Variants in PELP1 observed in about 807,000 individuals in gnomAD.
The protein encoded by PELP1 is proline-, glutamic acid- and leucine-rich protein 1.
In PELP1, 32 loss-of-function variants were observed where a neutral mutation model predicts 95.5. That is an observed-to-expected ratio of 0.34 (90% CI 0.25 to 0.45). PELP1 has a LOEUF of 0.45. PELP1 is among the 20% of genes least tolerant of loss of function. The pLI is 1.00. For missense variants in PELP1, 1,358 were observed against 1,444.8 expected, an observed-to-expected ratio of 0.94 and a Z score of 0.97; for synonymous variants, 668 against 600.1, an observed-to-expected ratio of 1.11 and a Z score of -1.65.
rs1446410469 is a variant in PELP1 at position 4,703,929 on chromosome 17, G to A, written c.183C>T (p.Arg61=). 1 of 1,613,590 alleles carries A rather than the reference G, an allele frequency of 6.2e-7. No individual in the cohort carries two copies. Among genetic ancestry groups the A allele is most frequent in the Non-Finnish European group, 8.5e-7 (1 of 1,179,734 alleles). Residue 61 remains arginine (R), a synonymous_variant, in exon 1 of 17, where the codon CGC becomes CGT. Coordinates refer to ENST00000572293, the MANE Select transcript of PELP1 (RefSeq NM_014389.3). ...TGAGCCCGGGCAAATGTGGGGCCGA[G>A]CGGTTTGGGGGATGCACCGGAGCAA... The part of the protein sequence containing the change: ...SAVAPVHPPN[R]SAPHLPGLMC...
chr17:4,676,003 C>T (rs1567661822), intron 8 of PELP1, 33 bp downstream of exon 8: 2 of 1,612,072 alleles, frequency 1.2e-6, no homozygotes, highest in Non-Finnish European at 1.7e-6. Context: ...CCTCCTGCTC[C>T]ACGCCTCCGC....
Position 4,672,776 on chromosome 17 carries a change from T to C in PELP1, c.2215A>G (p.Ile739Val), listed in dbSNP as rs1220084342. ...GGGGGAGTCCCACTAGGGGCAAGGATGGGGTCCTCATTTGAGCCTGCCCGG... is the reference window on the plus strand; with the variant it reads ...GGGGGAGTCCCACTAGGGGCAAGGACGGGGTCCTCATTTGAGCCTGCCCGG... Reference protein sequence around the residue: ...NHRAGSNEDPILAPSGTPPPT... With the variant: ...NHRAGSNEDPVLAPSGTPPPT... The change falls in exon 16 of 17, where the codon ATC becomes GTC. Residue 739 changes from isoleucine (I) to valine (V), a missense_variant. By Grantham distance (29) the Ile-to-Val change is conservative. Transcript: ENST00000572293. The C allele has an allele frequency of 5.6e-6, 9 of 1,613,584 alleles. No individual in the cohort carries two copies. The highest frequency in any genetic ancestry group is 7.6e-6 in the Non-Finnish European group (9 of 1,179,756).
At chr17:4,688,558 G>A (rs113113923) in intron 3 of PELP1, among the ~76,000 whole-genome samples, 9,181 of 152,110 alleles carry the variant, frequency 0.06, 342 homozygotes, top group Middle Eastern at 0.15. Context: ...CAGCAACTAA[G>A]CTGAGAATAA....
intron 6 of PELP1, 80 bp from the exon 7 acceptor site, chr17:4,676,587 A>G: frequency 6.5e-7 from 1 of 1,543,660 alleles, no homozygotes; most frequent in Non-Finnish European, 8.9e-7. Context: ...GACACCCAAA[A>G]GAGATGGAGA....
At position 4,671,840 on chromosome 17, in the gene PELP1, G is replaced by A; in HGVS notation, c.3151C>T (p.Gln1051Ter). The stretch of plus-strand genomic sequence containing the variant: ...GAGGGCTCTTCTTCAACAAGCTCCT[G>A]GGGAGGGGGCCCTGCCGCAGGGCTT... ...GESPAAGPPP[Q>*]ELVEEEPSAP... is the part of the protein sequence containing the mutation. Residue 1051 changes from glutamine to a stop codon, truncating the protein, a stop_gained, in exon 16 of 17, where the codon CAG (glutamine) becomes TAG (stop). Transcript: ENST00000572293. LOFTEE classifies it high-confidence loss of function. 6.6e-7 allele frequency: 1 copy of A among 1,513,158 alleles called. No homozygotes were observed. Among genetic ancestry groups the A allele is most frequent in the Non-Finnish European group, 8.8e-7 (1 of 1,135,150 alleles). The allele number at this position is 1,513,158 out of a possible 1,614,324, so 93.7% of individuals were successfully genotyped here. A position where few individuals can be genotyped will look rare whatever the true frequency, so the allele number is the denominator to read the frequency against.
intron 1 of PELP1, among the ~76,000 whole-genome samples, chr17:4,698,326 A>G (rs1913375423): frequency 6.6e-6 from 1 of 152,148 alleles, no homozygotes; most frequent in Admixed American, 6.6e-5. Context: ...ATTTCAGATT[A>G]AAGAATACTA....
In PELP1 at chr17:4,671,265, C is replaced by G. The variant is rs573222314; in HGVS notation, c.*174G>C. 5.0e-6 allele frequency: 3 copies of G among 605,992 alleles called. No individual in the cohort carries two copies. The Admixed American group carries it at 8.7e-5, about 18-fold the overall frequency. 37.5% of individuals were successfully genotyped at this position (605,992 alleles called of 1,614,324 possible). ...CAATGTCAGTTGTTCCTCTCTGGAT[C>G]GTCAAAAAGAGGACAGCTATGGAGA... On this transcript the variant is annotated 3_prime_UTR_variant, in exon 17 of 17. Transcript: ENST00000572293.
intron 1 of PELP1, among the ~76,000 whole-genome samples, chr17:4,698,494 T>C (rs1216216548): frequency 6.7e-6 from 1 of 149,442 alleles, no homozygotes; most frequent in East Asian, 1.9e-4. Flanking sequence ...GAAAAAAAAT[T>C]AGCCAGGCAT....
At chr17:4,696,287 G>A (rs1042319963) in intron 1 of PELP1, among the ~76,000 whole-genome samples, 13 of 152,098 alleles carry the variant, frequency 8.5e-5, no homozygotes, top group African/African-American at 3.1e-4. Flanking sequence ...AGCCATGATC[G>A]CCACCACTAC....
intron 3 of PELP1, among the ~76,000 whole-genome samples, chr17:4,684,324 C>G (rs1912829971): frequency 6.6e-6 from 1 of 152,194 alleles, no homozygotes; most frequent in African/African-American, 2.4e-5. Flanking sequence ...ATCGCTACTT[C>G]TCCCACCACT....
chr17:4,683,827 GCC>G (rs1230943158), intron 3 of PELP1, among the ~76,000 whole-genome samples: 2 of 125,146 alleles, frequency 1.6e-5, no homozygotes, highest in Admixed American at 1.6e-4. Flanking sequence ...ACAGTGCCCA[GCC>G]TTTTTTTTTT....
At chr17:4,695,702 G>A (rs1355802885) in intron 1 of PELP1, among the ~76,000 whole-genome samples, 1 of 151,048 alleles carries the variant, frequency 6.6e-6, no homozygotes, top group Non-Finnish European at 1.5e-5. Context: ...AATCTGGCAG[G>A]GGGCAGTGAT....
At chr17:4,687,988 T>G (rs1912966424) in intron 3 of PELP1, among the ~76,000 whole-genome samples, 2 of 152,176 alleles carry the variant, frequency 1.3e-5, no homozygotes, top group Admixed American at 1.3e-4. Context: ...ACCACTTCTA[T>G]TCAACATAGT....
intron 1 of PELP1, 91 bp downstream of exon 1, chr17:4,703,772 C>T (rs924066375): frequency 1.8e-6 from 2 of 1,119,578 alleles, no homozygotes; most frequent in East Asian, 2.6e-5. Context: ...CTTCAACCTC[C>T]CTATCGCACT....
chr17:4,677,090 G>A (rs1312112734), intron 5 of PELP1, among the ~76,000 whole-genome samples: 1 of 151,970 alleles, frequency 6.6e-6, no homozygotes, highest in East Asian at 1.9e-4. Flanking sequence ...GACAGTTTTT[G>A]CAAAATTTTT....
intron 1 of PELP1, among the ~76,000 whole-genome samples, chr17:4,698,951 G>T (rs956173058): frequency 1.3e-5 from 2 of 152,064 alleles, no homozygotes; most frequent in African/African-American, 2.4e-5. Context: ...AATGGACCCA[G>T]AAAAAATATC....
At position 4,671,264 on chromosome 17, in the gene PELP1, T is replaced by G. The variant is rs1391601915; in HGVS notation, c.*175A>C. 2 of 605,958 alleles carry G rather than the reference T, an allele frequency of 3.3e-6. No homozygotes were observed. The highest frequency in any genetic ancestry group is 5.9e-6 in the Non-Finnish European group (2 of 339,406). The allele number at this position is 605,958 out of a possible 1,614,324, so 37.5% of individuals were successfully genotyped here. A position where few individuals can be genotyped will look rare whatever the true frequency, so the allele number is the denominator to read the frequency against. On this transcript the variant is annotated 3_prime_UTR_variant, in exon 17 of 17. Transcript: ENST00000572293. ...CCAATGTCAGTTGTTCCTCTCTGGA[T>G]CGTCAAAAAGAGGACAGCTATGGAG...
Position 4,676,356 on chromosome 17 carries a change from C to T in PELP1, c.853+1G>A. ...CACTAACTAGCAGCCCTGGTCCCTA[C>T]CAGTCTCTGCTCCCTCGTACAGGGC... On this transcript the variant is annotated splice_donor_variant, in intron 7 of 16. Transcript: ENST00000572293. LOFTEE classifies it high-confidence loss of function. 1 of 1,613,090 alleles carries T rather than the reference C, an allele frequency of 6.2e-7. No homozygotes were observed. The highest frequency in any genetic ancestry group is 8.5e-7 in the Non-Finnish European group (1 of 1,179,346).
chr17:4,676,843 G>C lies in PELP1; in HGVS notation c.643-31C>G, dbSNP rs755897372. 5 of 1,519,666 alleles carry C rather than the reference G, an allele frequency of 3.3e-6. No individual in the cohort carries two copies. In the South Asian group the frequency reaches 3.6e-5, roughly 11 times the overall value. The allele number at this position is 1,519,666 out of a possible 1,614,324, so 94.1% of individuals were successfully genotyped here. On this transcript the variant is annotated intron_variant, in intron 5 of 16. Transcript: ENST00000572293. ...TGTGGAGGAAAAAAGGAAGAGGCCA[G>C]TGAGCCAGCTCTGAGAGCCAGAGAT...
Sources: allele counts gnomAD v4.1 joint callset (sites outside exome capture counted in the v4.1 genomes callset), GRCh38; gene constraint gnomAD v4.1.1; transcripts MANE v1.5; gene names NCBI Gene and HGNC (gene_info 2026-07-23, HGNC 2026-07-21).